Variants in ABHD17B observed in about 807,000 individuals in gnomAD.
ABHD17B encodes the protein alpha/beta hydrolase domain-containing protein 17B.
Under a neutral mutation model 26.2 loss-of-function variants are expected in ABHD17B, and 9 were observed. The ratio of observed to expected loss-of-function variants is 0.34; its 90% confidence interval spans 0.21 to 0.60. The LOEUF (loss-of-function observed/expected upper bound fraction) is 0.60, where lower values mean the gene tolerates loss of function less well. ABHD17B is among the 20% of genes least tolerant of loss of function. The pLI, the probability that ABHD17B is intolerant of heterozygous loss-of-function variation, is 0.80. For synonymous variants in ABHD17B, 127 were observed against 122.3 expected (o/e 1.04, Z -0.25); for missense variants, 224 against 352.1 (o/e 0.64, Z 2.91).
At chr9:71,863,349 T>C (rs1406338522), downstream of ABHD17B, among the ~76,000 whole-genome samples, 1 of 152,204 alleles carries the variant, frequency 6.6e-6, no homozygotes, top group Non-Finnish European at 1.5e-5. Flanking sequence ...ATTAGTTCCA[T>C]TAATTTCTAG....
rs776154439 is a variant in ABHD17B at position 71,911,191 on chromosome 9, A to T, written c.-561T>A. ...CCACTGAGCCAGGAGTTGGCCACTG[A>T]CTGGAGGAAGGTGCCAAAGCTGACC... On this transcript the variant is annotated 5_prime_UTR_variant, in exon 1 of 4. Transcript: ENST00000333421. 1.3e-5 allele frequency among the ~76,000 whole-genome samples: 2 copies of T among 152,114 alleles called. No individual in the cohort carries two copies. Among genetic ancestry groups the T allele is most frequent in the South Asian group, 2.1e-4 (1 of 4,822 alleles).
At chr9:71,889,504 A>AT (rs1159284833) in intron 1 of ABHD17B, among the ~76,000 whole-genome samples, 11 of 152,290 alleles carry the variant, frequency 7.2e-5, no homozygotes, top group Non-Finnish European at 1.6e-4. Flanking sequence ...TCTGAAAGAC[A>AT]TATCTTAAAA....
At chr9:71,864,245 A>T, downstream of ABHD17B, among the ~76,000 whole-genome samples, 1 of 122,378 alleles carries the variant, frequency 8.2e-6, no homozygotes. Context: ...TTTGAGACAG[A>T]GTCTCGCTCT....
chr9:71,908,595 AC>A (rs1827354729), intron 1 of ABHD17B, among the ~76,000 whole-genome samples: 1 of 151,926 alleles, frequency 6.6e-6, no homozygotes, highest in Non-Finnish European at 1.5e-5. Flanking sequence ...AATAAAATAT[AC>A]TCTATTTTCT....
intron 1 of ABHD17B, among the ~76,000 whole-genome samples, chr9:71,898,257 G>C (rs1827016787): frequency 1.3e-5 from 2 of 152,192 alleles, no homozygotes; most frequent in Admixed American, 6.5e-5. Flanking sequence ...TCCCAAAACG[G>C]AGGGAAAATC....
Position 71,911,164 on chromosome 9 carries a change from C to A in ABHD17B, c.-534G>T, listed in dbSNP as rs191166757. Among the ~76,000 whole-genome samples, 4 of 152,256 alleles carry A rather than the reference C, an allele frequency of 2.6e-5. No individual in the cohort carries two copies. The highest frequency in any genetic ancestry group is 4.4e-5 in the Non-Finnish European group (3 of 68,016). The stretch of plus-strand genomic sequence containing the variant: ...GGGGAACGGAGGGGACGAGCACAAT[C>A]CCCACTGAGCCAGGAGTTGGCCACT... On this transcript the variant is annotated 5_prime_UTR_variant, in exon 1 of 4. Coordinates refer to ENST00000333421, the MANE Select transcript of ABHD17B (RefSeq NM_001025780.3).
chr9:71,871,269 T>C (rs763481244), intron 2 of ABHD17B, among the ~76,000 whole-genome samples: 16 of 152,336 alleles, frequency 1.1e-4, no homozygotes, highest in Non-Finnish European at 2.4e-4. Context: ...AAACTGTCCG[T>C]GTGTTCTCTT....
At position 71,866,061 on chromosome 9, in the gene ABHD17B, C is replaced by T. The variant is rs778411985; in HGVS notation, c.*726G>A. 1.0e-6 allele frequency: 1 copy of T among 985,416 alleles called. No homozygotes were observed. The highest frequency in any genetic ancestry group is 6.1e-5 in the Admixed American group (1 of 16,276). The allele number at this position is 985,416 out of a possible 1,614,324, so 61.0% of individuals were successfully genotyped here. On this transcript the variant is annotated 3_prime_UTR_variant, in exon 4 of 4. Coordinates refer to ENST00000333421, the MANE Select transcript of ABHD17B (RefSeq NM_001025780.3). The stretch of plus-strand genomic sequence containing the variant: ...CTCTAAATGCCTTTTAAGTAACCAG[C>T]ATGAAAATTTTAAGTACTTGCCTCA...
At chr9:71,877,290 T>C (rs1442492284) in intron 1 of ABHD17B, among the ~76,000 whole-genome samples, 1 of 152,240 alleles carries the variant, frequency 6.6e-6, no homozygotes, top group Admixed American at 6.5e-5. Flanking sequence ...CTGTCTATGG[T>C]TATTTGTCAA....
chr9:71,888,402 A>G (rs1589223486), intron 1 of ABHD17B, among the ~76,000 whole-genome samples: 1 of 152,234 alleles, frequency 6.6e-6, no homozygotes, highest in African/African-American at 2.4e-5. Flanking sequence ...TTCATAGAAA[A>G]GCTGTCATAT....
At position 71,866,960 on chromosome 9, in the gene ABHD17B, C is replaced by T. The variant is rs1223953895; in HGVS notation, c.694G>A (p.Gly232Arg). ...KITSPVLIIH[G>R]TEDEVIDFSH... ...AAGTCAATGACTTCATCTTCAGTCC[C>T]ATGAATTATTAATACTGGAGAGGTT... The change falls in exon 4 of 4, where the codon GGG becomes AGG. Residue 232 changes from glycine to arginine, a missense_variant. Coordinates refer to ENST00000333421, the MANE Select transcript of ABHD17B (RefSeq NM_001025780.3). The T allele has an allele frequency of 6.2e-7, 1 of 1,613,938 alleles. No individual in the cohort carries two copies. The highest frequency in any genetic ancestry group is 8.5e-7 in the Non-Finnish European group (1 of 1,180,004).
intron 1 of ABHD17B, chr9:71,902,618 T>C (rs993061502): frequency 9.2e-5 from 14 of 152,192 alleles, no homozygotes; most frequent in African/African-American, 2.9e-4. Context: ...ATGTAACTTG[T>C]AGTGTTTCAG....
rs1274594832 is a variant in ABHD17B, at chr9:71,911,109, G to T, written c.-479C>A. On this transcript the variant is annotated 5_prime_UTR_variant, in exon 1 of 4. Transcript: ENST00000333421. ...TCCTCCTCAGCCTGCCAAGCGCGAG[G>T]CTCGTTCCGGTAGCGGGAGGAAGAC... is the stretch of plus-strand genomic sequence containing the variant. Among the ~76,000 whole-genome samples, 1 of 152,178 alleles carries T rather than the reference G, an allele frequency of 6.6e-6. No homozygotes were observed. The highest frequency in any genetic ancestry group is 1.5e-5 in the Non-Finnish European group (1 of 68,016).
chr9:71,907,242 A>C (rs1338583082), intron 1 of ABHD17B, among the ~76,000 whole-genome samples: 1 of 152,230 alleles, frequency 6.6e-6, no homozygotes, highest in African/African-American at 2.4e-5. Flanking sequence ...AAAAGTAAAT[A>C]AACTAGAGCT....
At chr9:71,864,283 G>A (rs113930561), downstream of ABHD17B, among the ~76,000 whole-genome samples, 1,727 of 142,288 alleles carry the variant, frequency 0.012, 29 homozygotes, top group African/African-American at 0.042. Flanking sequence ...GCAGTGGTGC[G>A]ATCTCGGCTC....
intron 1 of ABHD17B, among the ~76,000 whole-genome samples, chr9:71,892,273 C>T (rs1302312018): frequency 6.6e-6 from 1 of 151,954 alleles, no homozygotes; most frequent in African/African-American, 2.4e-5. Context: ...TGACTCACAC[C>T]TGTAATCCCA....
In ABHD17B at chr9:71,866,043, T is replaced by C. The variant is rs1825948924; in HGVS notation, c.*744A>G. ...CAAAATCATTCTTGAAATCTCTAAA[T>C]GCCTTTTAAGTAACCAGCATGAAAA... On this transcript the variant is annotated 3_prime_UTR_variant, in exon 4 of 4. Coordinates refer to ENST00000333421, the MANE Select transcript of ABHD17B (RefSeq NM_001025780.3). 3 of 985,326 alleles carry C rather than the reference T, an allele frequency of 3.0e-6. No individual in the cohort carries two copies. Among genetic ancestry groups the C allele is most frequent in the African/African-American group, 3.5e-5 (2 of 57,226 alleles). 61.0% of individuals were successfully genotyped at this position (985,326 alleles called of 1,614,324 possible).
At chr9:71,897,203 A>C (rs1826982432) in intron 1 of ABHD17B, among the ~76,000 whole-genome samples, 1 of 152,156 alleles carries the variant, frequency 6.6e-6, no homozygotes, top group Non-Finnish European at 1.5e-5. Context: ...CAACCACTCC[A>C]TATCATTAAA....
intron 1 of ABHD17B, among the ~76,000 whole-genome samples, chr9:71,890,545 T>C (rs548207864): frequency 2.6e-5 from 4 of 152,364 alleles, no homozygotes; most frequent in African/African-American, 9.6e-5. Context: ...ATCTATTGGT[T>C]GATTCTCATT....
Sources: gnomAD v4.1 joint callset for allele counts (sites outside exome capture counted in the v4.1 genomes callset) on GRCh38, gnomAD v4.1.1 for gene constraint, MANE v1.5 for transcripts, NCBI Gene and HGNC (gene_info 2026-07-23, HGNC 2026-07-21) for gene names.